STEAP1B: variants seen among roughly 807,000 people sequenced by gnomAD.
STEAP1B encodes STEAP family member 1B.
In STEAP1B, 13 loss-of-function variants were observed where a neutral mutation model predicts 27.9. That is an observed-to-expected ratio of 0.47 (90% CI 0.30 to 0.74). STEAP1B has a LOEUF of 0.74. Ranked by LOEUF, STEAP1B falls within the 30% of genes least tolerant of loss-of-function variation. The pLI is 0.06. For synonymous variants in STEAP1B, 86 were observed against 107.1 expected (o/e 0.80, Z 1.22); for missense variants, 250 against 298.7 (o/e 0.84, Z 1.20).
intron 4 of STEAP1B, among the ~76,000 whole-genome samples, chr7:22,420,419 T>G (rs1289369320): frequency 6.6e-6 from 1 of 152,230 alleles, no homozygotes; most frequent in African/African-American, 2.4e-5. Flanking sequence ...TCCCACAGCC[T>G]GCTCATATCA....
At chr7:22,488,355 G>C (rs1786255968) in intron 4 of STEAP1B, among the ~76,000 whole-genome samples, 1 of 152,224 alleles carries the variant, frequency 6.6e-6, no homozygotes. Flanking sequence ...TATCATCTGA[G>C]CCACAACCTT....
intron 4 of STEAP1B, among the ~76,000 whole-genome samples, chr7:22,455,740 CA>C (rs1237072347): frequency 6.6e-6 from 1 of 152,212 alleles, no homozygotes; most frequent in Non-Finnish European, 1.5e-5. Flanking sequence ...CTATTTCTCA[CA>C]TATCAATGGT....
At chr7:22,494,963 T>G in intron 1 of STEAP1B, 77 bp from the exon 2 acceptor site, 1 of 756,854 alleles carries the variant, frequency 1.3e-6, no homozygotes, top group Non-Finnish European at 2.0e-6. Flanking sequence ...TATAAAAAAT[T>G]TACTTGCTTA....
At chr7:22,453,381 G>T (rs539864467) in intron 4 of STEAP1B, among the ~76,000 whole-genome samples, 6 of 141,566 alleles carry the variant, frequency 4.2e-5, no homozygotes, top group African/African-American at 1.6e-4. Context: ...GCCTCCCTCA[G>T]CATTTCCCCC....
chr7:22,492,919 G>A (rs1034520633), intron 3 of STEAP1B, among the ~76,000 whole-genome samples, 190 bp from the exon 4 acceptor site: 11 of 149,762 alleles, frequency 7.3e-5, no homozygotes, highest in Admixed American at 7.3e-4. Flanking sequence ...TTTTTTTCTT[G>A]AATGCAACAT....
intron 4 of STEAP1B, among the ~76,000 whole-genome samples, chr7:22,441,323 A>G (rs1785330496): frequency 6.6e-6 from 1 of 152,134 alleles, no homozygotes; most frequent in Admixed American, 6.5e-5. Context: ...CTTCCTTGAG[A>G]GCATGGATTC....
At chr7:22,460,537 C>G (rs576617071) in intron 4 of STEAP1B, among the ~76,000 whole-genome samples, 1 of 152,086 alleles carries the variant, frequency 6.6e-6, no homozygotes, top group African/African-American at 2.4e-5. Flanking sequence ...AGCTGGGGAG[C>G]GGGCCATCAG....
chr7:22,477,023 A>C (rs967302589), intron 4 of STEAP1B, among the ~76,000 whole-genome samples: 9 of 152,202 alleles, frequency 5.9e-5, no homozygotes, highest in Non-Finnish European at 2.9e-5. Context: ...CTTCAAAGCC[A>C]CATAGGGAGA....
chr7:22,471,333 C>T (rs1237529144), intron 4 of STEAP1B, among the ~76,000 whole-genome samples: 3 of 152,158 alleles, frequency 2.0e-5, no homozygotes, highest in Non-Finnish European at 4.4e-5. Context: ...GTGTTAGGGT[C>T]CCCCGTTTCC....
chr7:22,427,519 G>A (rs1583627085), intron 4 of STEAP1B, among the ~76,000 whole-genome samples: 1 of 152,326 alleles, frequency 6.6e-6, no homozygotes, highest in East Asian at 1.9e-4. Flanking sequence ...GAGGTCCCTA[G>A]TTTAGGCGTG....
intron 1 of STEAP1B, among the ~76,000 whole-genome samples, chr7:22,498,659 A>G (rs1193194151): frequency 6.6e-6 from 1 of 152,238 alleles, no homozygotes; most frequent in Non-Finnish European, 1.5e-5. Flanking sequence ...TTTCAACTGC[A>G]TGGTAGAGCG....
chr7:22,454,865 ATTT>A lies in STEAP1B; in HGVS notation c.763-35032_763-35030del, dbSNP rs367804282. Among the ~76,000 whole-genome samples, 379 of 126,120 alleles carry A rather than the reference ATTT, an allele frequency of 3.0e-3. 2 individuals carry two copies. The highest frequency in any genetic ancestry group is 8.8e-3 in the East Asian group (39 of 4,446). The allele number at this position is 126,120 out of a possible 152,430, so 82.7% of individuals were successfully genotyped here. A position where few individuals can be genotyped will look rare whatever the true frequency, so the allele number is the denominator to read the frequency against. ...TATATATATGTATATATATATATAT[ATTT>A]TTTTTTTTTTTTGAGACAGAGTCTC... On this transcript the variant is annotated intron_variant, in intron 4 of 4. Transcript: ENST00000678116.
chr7:22,460,339 A>AC (rs1157916614), intron 4 of STEAP1B, among the ~76,000 whole-genome samples: 2 of 150,724 alleles, frequency 1.3e-5, no homozygotes, highest in African/African-American at 4.9e-5. Flanking sequence ...AAACAAACAA[A>AC]AAAAAAAAAA....
At chr7:22,425,210 T>C (rs1785090928) in intron 4 of STEAP1B, among the ~76,000 whole-genome samples, 1 of 152,216 alleles carries the variant, frequency 6.6e-6, no homozygotes. Flanking sequence ...TTTGGTATGA[T>C]ACATTAAAAT....
intron 4 of STEAP1B, among the ~76,000 whole-genome samples, chr7:22,463,525 G>T (rs6971346): frequency 0.18 from 27,277 of 152,036 alleles, 3,277 homozygotes; most frequent in Middle Eastern, 0.3. Context: ...AGAACAAAGC[G>T]GGAGGCATCA....
chr7:22,440,332 T>A (rs2528848), intron 4 of STEAP1B, among the ~76,000 whole-genome samples: 1 of 152,022 alleles, frequency 6.6e-6, no homozygotes, highest in African/African-American at 2.4e-5. Context: ...TAAAAGTCCT[T>A]CAATTTTACA....
At chr7:22,479,600 C>G (rs1786032095) in intron 4 of STEAP1B, among the ~76,000 whole-genome samples, 3 of 152,058 alleles carry the variant, frequency 2.0e-5, no homozygotes, top group South Asian at 4.2e-4. Flanking sequence ...TAACTGTAAG[C>G]CTCCTGAGGC....
intron 4 of STEAP1B, among the ~76,000 whole-genome samples, chr7:22,459,660 T>C (rs1481617900): frequency 6.6e-6 from 1 of 152,222 alleles, no homozygotes; most frequent in Non-Finnish European, 1.5e-5. Flanking sequence ...AGCCAGTCTG[T>C]ATCTCACTTG....
intron 4 of STEAP1B, among the ~76,000 whole-genome samples, chr7:22,477,795 T>TA (rs1348235593): frequency 6.6e-6 from 1 of 152,138 alleles, no homozygotes; most frequent in African/African-American, 2.4e-5. Flanking sequence ...AAAGTTAACT[T>TA]AAAAAGGCTT....
Sources: allele counts gnomAD v4.1 joint callset (sites outside exome capture counted in the v4.1 genomes callset), GRCh38; gene constraint gnomAD v4.1.1; transcripts MANE v1.5; gene names NCBI Gene and HGNC (gene_info 2026-07-23, HGNC 2026-07-21).